Variants in FRRS1 observed in about 807,000 individuals in gnomAD.
FRRS1 encodes ferric chelate reductase 1.
Under a neutral mutation model 70.7 loss-of-function variants are expected in FRRS1, and 51 were observed. The observed-to-expected ratio is 0.72, with a 90% CI of 0.58 to 0.91. The LOEUF is 0.91. Among genes scored for constraint, FRRS1 ranks in the 40% least tolerant of loss-of-function variants. The probability of loss-of-function intolerance (pLI) is 0.00; values close to 1 mark genes in which losing one functional copy is unlikely to be tolerated. For missense variants in FRRS1, 672 were observed against 726.0 expected, an observed-to-expected ratio of 0.93 and a Z score of 0.86; for synonymous variants, 225 against 238.7, an observed-to-expected ratio of 0.94 and a Z score of 0.53.
Position 99,747,385 on chromosome 1 carries a change from C to T in FRRS1, c.242G>A (p.Arg81His), listed in dbSNP as rs141729391. ...HPFKGFLLEA[R>H]NAEDLNGPPI... ...AGGGCCATTCAGATCCTCAGCATTA[C>T]GCGCTTCTAGGAGAAAGCCTTTAAA... is the stretch of plus-strand genomic sequence containing the variant. The change falls in exon 4 of 17, where the codon CGT (arginine) becomes CAT (histidine). Residue 81 changes from arginine (R) to histidine (H), a missense_variant. Coordinates refer to ENST00000646001, the MANE Select transcript of FRRS1 (RefSeq NM_001361041.2). 22 of 1,613,272 alleles carry T rather than the reference C, an allele frequency of 1.4e-5. No homozygotes were observed. Among genetic ancestry groups the T allele is most frequent in the South Asian group, 1.3e-4 (12 of 91,042 alleles).
At chr1:99,738,476 A>C (rs764310161) in intron 6 of FRRS1, among the ~76,000 whole-genome samples, 1 of 152,212 alleles carries the variant, frequency 6.6e-6, no homozygotes, top group Non-Finnish European at 1.5e-5. Flanking sequence ...TTTTAAACTT[A>C]ATTAATTTTA....
At chr1:99,716,786 T>A (rs1445487777) in intron 11 of FRRS1, among the ~76,000 whole-genome samples, 1 of 152,218 alleles carries the variant, frequency 6.6e-6, no homozygotes, top group Non-Finnish European at 1.5e-5. Flanking sequence ...CCATGACCCA[T>A]GAAAGATAAG....
chr1:99,738,358 G>A, intron 6 of FRRS1, 90 bp from the exon 7 acceptor site: 2 of 845,100 alleles, frequency 2.4e-6, no homozygotes, highest in South Asian at 3.9e-5. Context: ...TCAAGTACGG[G>A]TAGCTCCCAA....
chr1:99,756,412 G>A (rs1020124399), intron 1 of FRRS1, among the ~76,000 whole-genome samples: 2 of 151,334 alleles, frequency 1.3e-5, no homozygotes, highest in African/African-American at 4.9e-5. Context: ...CTAACACCAT[G>A]TTCTACATAT....
At chr1:99,734,377 A>G (rs969565014) in intron 7 of FRRS1, among the ~76,000 whole-genome samples, 2 of 152,208 alleles carry the variant, frequency 1.3e-5, no homozygotes, top group African/African-American at 4.8e-5. Flanking sequence ...ATGAAATGTC[A>G]TGACTATCTG....
chr1:99,707,571 T>C lies in FRRS1; in HGVS notation c.*1457A>G, dbSNP rs1654066722. ...ATAAACAGCGGTTACTAATTTAAGG[T>C]TTTAACCCTTACCCCAACCACCCAA... On this transcript the variant is annotated 3_prime_UTR_variant, in exon 17 of 17. Transcript: ENST00000646001. 6.6e-6 allele frequency among the ~76,000 whole-genome samples: 1 copy of C among 152,110 alleles called. No homozygotes were observed.
At position 99,704,193 on chromosome 1, in the gene FRRS1, T is replaced by C. The variant is rs373024777; in HGVS notation, c.*4835A>G. 2.0e-5 allele frequency among the ~76,000 whole-genome samples: 3 copies of C among 152,184 alleles called. No individual in the cohort carries two copies. Among genetic ancestry groups the C allele is most frequent in the East Asian group, 1.9e-4 (1 of 5,190 alleles). On this transcript the variant is annotated 3_prime_UTR_variant, in exon 17 of 17. Coordinates refer to ENST00000646001, the MANE Select transcript of FRRS1 (RefSeq NM_001361041.2). ...GAGATGGGCTTTACAGATGAAAGAA[T>C]AGAGCCCAGGGAAGATAAGTGACTT...
chr1:99,710,079 T>C (rs1654202859), intron 15 of FRRS1, among the ~76,000 whole-genome samples: 2 of 152,196 alleles, frequency 1.3e-5, no homozygotes, highest in African/African-American at 2.4e-5. Flanking sequence ...AGATATGTAC[T>C]ACTCAGCTCC....
chr1:99,754,557 T>C (rs995249264), intron 1 of FRRS1, among the ~76,000 whole-genome samples: 1 of 151,716 alleles, frequency 6.6e-6, no homozygotes, highest in Non-Finnish European at 1.5e-5. Context: ...AGAAAATCAT[T>C]AAGGACATGG....
chr1:99,747,528 C>T (rs1656341031), intron 3 of FRRS1, 98 bp from the exon 4 acceptor site: 3 of 1,067,462 alleles, frequency 2.8e-6, no homozygotes, highest in East Asian at 2.5e-5. Flanking sequence ...TCTACATATG[C>T]AAAAGTACTC....
At chr1:99,715,817 A>T in intron 11 of FRRS1, 145 bp from the exon 12 acceptor site, 1 of 520,116 alleles carries the variant, frequency 1.9e-6, no homozygotes, top group Non-Finnish European at 3.5e-6. Context: ...GTTTGTAGCC[A>T]GGTTAAGAAA....
At chr1:99,729,026 T>C (rs1047170508) in intron 8 of FRRS1, among the ~76,000 whole-genome samples, 62 of 152,330 alleles carry the variant, frequency 4.1e-4, no homozygotes, top group African/African-American at 1.4e-3. Context: ...GGGGAGAAGT[T>C]CCAAGCCAGC....
intron 1 of FRRS1, among the ~76,000 whole-genome samples, chr1:99,756,616 T>C (rs561258401): frequency 2.0e-5 from 3 of 152,182 alleles, no homozygotes; most frequent in Admixed American, 6.5e-5. Flanking sequence ...TATTTAGATG[T>C]AAGAAAGTCA....
chr1:99,747,570 G>A (rs1429155530), intron 3 of FRRS1, 140 bp from the exon 4 acceptor site: 19 of 732,034 alleles, frequency 2.6e-5, no homozygotes, highest in Non-Finnish European at 2.2e-6. Flanking sequence ...TATAGGCAAA[G>A]AAGCTCTAAA....
chr1:99,706,875 G>C lies in FRRS1; in HGVS notation c.*2153C>G, dbSNP rs933243844. Reference sequence around the variant, plus strand: ...CCACTGCACTCCAGCCTAGACAACAGAGTGAGACTTTGTCACAAAAAAAAA... The same window carrying C: ...CCACTGCACTCCAGCCTAGACAACACAGTGAGACTTTGTCACAAAAAAAAA... On this transcript the variant is annotated 3_prime_UTR_variant, in exon 17 of 17. Transcript: ENST00000646001. Among the ~76,000 whole-genome samples the C allele has an allele frequency of 1.3e-5, 2 of 149,162 alleles. No individual in the cohort carries two copies. The highest frequency in any genetic ancestry group is 2.1e-4 in the South Asian group (1 of 4,790).
chr1:99,741,642 A>T (rs539337964), intron 5 of FRRS1, among the ~76,000 whole-genome samples: 2 of 152,332 alleles, frequency 1.3e-5, no homozygotes, highest in East Asian at 3.9e-4. Context: ...TCTAATCTGC[A>T]AGTTGTAATA....
intron 15 of FRRS1, among the ~76,000 whole-genome samples, chr1:99,710,472 T>C (rs1287696444): frequency 6.6e-6 from 1 of 152,194 alleles, no homozygotes; most frequent in Non-Finnish European, 1.5e-5. Context: ...TTGAGTCTCT[T>C]CTTCCTCCAT....
At chr1:99,742,335 T>C (rs956071624) in intron 4 of FRRS1, 62 bp from the exon 5 acceptor site, 6 of 1,009,830 alleles carry the variant, frequency 5.9e-6, no homozygotes, top group African/African-American at 1.6e-5. Context: ...GGCTGGAACT[T>C]CTATCATTTT....
At chr1:99,717,584 A>G (rs1465866369) in intron 10 of FRRS1, 59 bp from the exon 11 acceptor site, 3 of 1,139,428 alleles carry the variant, frequency 2.6e-6, no homozygotes, top group Non-Finnish European at 1.3e-6. Context: ...CATCGCTTAA[A>G]TGACCAAGCC....
Sources: gnomAD v4.1 joint callset for allele counts (sites outside exome capture counted in the v4.1 genomes callset) on GRCh38, gnomAD v4.1.1 for gene constraint, MANE v1.5 for transcripts, NCBI Gene and HGNC (gene_info 2026-07-23, HGNC 2026-07-21) for gene names.